TASP1: variants seen among roughly 807,000 people sequenced by gnomAD.
The protein encoded by TASP1 is taspase 1, also known as threonine aspartase 1.
A neutral mutation model predicts 56.6 loss-of-function variants in TASP1; 16 were observed. The observed-to-expected ratio is 0.28, with a 90% confidence interval of 0.19 to 0.43. The LOEUF (loss-of-function observed/expected upper bound fraction) is 0.43, where lower values mean the gene tolerates loss of function less well. TASP1 is among the 20% of genes least tolerant of loss of function. TASP1 has a pLI of 1.00. For missense variants in TASP1, 393 were observed against 511.6 expected (o/e 0.77, Z 2.24); for synonymous variants, 179 against 184.2 (o/e 0.97, Z 0.23).
the TASP1 span, among the ~76,000 whole-genome samples, chr20:13,108,143 A>G: frequency 6.6e-6 from 1 of 152,186 alleles, no homozygotes; most frequent in Non-Finnish European, 1.5e-5. Context: ...GGGGCCTCTC[A>G]GAGATGAGGT....
chr20:13,266,246 G>C, the TASP1 span, among the ~76,000 whole-genome samples: 4 of 152,304 alleles, frequency 2.6e-5, no homozygotes, highest in Admixed American at 2.6e-4. Context: ...TGCAATGTCT[G>C]CCACAGTACT....
chr20:13,325,164 G>C, the TASP1 span, among the ~76,000 whole-genome samples: 1 of 152,186 alleles, frequency 6.6e-6, no homozygotes, highest in Non-Finnish European at 1.5e-5. Context: ...CGACAAATGG[G>C]GTGAGGTGGG....
intron 6 of TASP1, among the ~76,000 whole-genome samples, chr20:13,570,711 A>G (rs1465445706): frequency 6.6e-6 from 1 of 152,152 alleles, no homozygotes; most frequent in African/African-American, 2.4e-5. Context: ...TTTAAAAAAA[A>G]AATTCTAAAG....
At chr20:13,146,801 G>A in the TASP1 span, among the ~76,000 whole-genome samples, 57 of 152,260 alleles carry the variant, frequency 3.7e-4, no homozygotes, top group African/African-American at 1.2e-3. Context: ...GTATAACTCC[G>A]TGAATGATGG....
At chr20:13,310,353 G>C in the TASP1 span, among the ~76,000 whole-genome samples, 1 of 152,172 alleles carries the variant, frequency 6.6e-6, no homozygotes, top group Non-Finnish European at 1.5e-5. Flanking sequence ...AAATGGTGCT[G>C]AGAAAACTGG....
the TASP1 span, among the ~76,000 whole-genome samples, chr20:13,173,964 A>G: frequency 6.6e-6 from 1 of 152,162 alleles, no homozygotes; most frequent in South Asian, 2.1e-4. Flanking sequence ...GTGACCTTTC[A>G]GAATTTTGTA....
At chr20:13,556,793 T>C (rs1392046907) in intron 8 of TASP1, among the ~76,000 whole-genome samples, 1 of 152,246 alleles carries the variant, frequency 6.6e-6, no homozygotes, top group South Asian at 2.1e-4. Flanking sequence ...TCAAATGTTA[T>C]CTCCTCATAG....
At chr20:13,359,439 A>G in the TASP1 span, among the ~76,000 whole-genome samples, 3 of 150,572 alleles carry the variant, frequency 2.0e-5, no homozygotes, top group Non-Finnish European at 4.4e-5. Context: ...GAAGACTGAC[A>G]CTGCCCGATG....
rs549437051 is a variant in TASP1 at position 13,625,424 on chromosome 20, C to G, written c.146-172G>C. 9.2e-5 allele frequency among the ~76,000 whole-genome samples: 14 copies of G among 152,268 alleles called. No individual in the cohort carries two copies. In the East Asian group the frequency reaches 2.5e-3, roughly 27 times the overall value. On this transcript the variant is annotated intron_variant, in intron 2 of 13. Transcript: ENST00000337743. The stretch of plus-strand genomic sequence containing the variant: ...CAGTGTAAGCCTTTTTAATACCATG[C>G]CTTATCTCCGTTTTCAAAAGCTCTT...
chr20:13,489,659 T>C (rs1273827045), intron 10 of TASP1, among the ~76,000 whole-genome samples: 1 of 152,190 alleles, frequency 6.6e-6, no homozygotes, highest in Non-Finnish European at 1.5e-5. Flanking sequence ...AGGCATCTGT[T>C]ACACGAGGTT....
the TASP1 span, among the ~76,000 whole-genome samples, chr20:13,312,502 C>G: frequency 1.3e-5 from 2 of 152,196 alleles, no homozygotes; most frequent in African/African-American, 4.8e-5. Flanking sequence ...CTGAGATAAA[C>G]AGAGCACTAG....
the TASP1 span, among the ~76,000 whole-genome samples, chr20:13,286,809 A>T: frequency 2.6e-5 from 4 of 152,236 alleles, no homozygotes; most frequent in African/African-American, 9.6e-5. Context: ...TGTGTGGACT[A>T]CATTCCTGCT....
At chr20:13,144,894 C>T in the TASP1 span, among the ~76,000 whole-genome samples, 4 of 152,286 alleles carry the variant, frequency 2.6e-5, no homozygotes, top group African/African-American at 9.6e-5. Context: ...CCTGCCTCAG[C>T]CTCCCAAGTA....
intron 10 of TASP1, among the ~76,000 whole-genome samples, chr20:13,485,420 C>T (rs1478341050): frequency 1.3e-5 from 2 of 152,080 alleles, no homozygotes; most frequent in East Asian, 3.9e-4. Context: ...AGTTGTTCAC[C>T]TATTCAGTAA....
chr20:13,460,292 A>T (rs1479524290), intron 11 of TASP1, among the ~76,000 whole-genome samples: 1 of 152,122 alleles, frequency 6.6e-6, no homozygotes, highest in African/African-American at 2.4e-5. Flanking sequence ...GGACTTCACA[A>T]ACTCCTGGAT....
chr20:13,317,913 C>G, the TASP1 span, among the ~76,000 whole-genome samples: 1 of 30,292 alleles, frequency 3.3e-5, no homozygotes, highest in Non-Finnish European at 5.9e-5. Flanking sequence ...ATACCAAAGG[C>G]ACTATCCGTG....
At chr20:13,436,414 G>A (rs376760432) in intron 11 of TASP1, among the ~76,000 whole-genome samples, 2 of 151,642 alleles carry the variant, frequency 1.3e-5, no homozygotes, top group African/African-American at 4.8e-5. Context: ...CGTGACACAG[G>A]CTGCAAGCCC....
the TASP1 span, among the ~76,000 whole-genome samples, chr20:13,372,058 A>T: frequency 6.6e-6 from 1 of 152,236 alleles, no homozygotes; most frequent in African/African-American, 2.4e-5. Flanking sequence ...TAACTTCTGT[A>T]GAGAGCATAT....
chr20:13,580,298 A>G (rs2047074205), intron 6 of TASP1, among the ~76,000 whole-genome samples: 1 of 151,976 alleles, frequency 6.6e-6, no homozygotes, highest in Non-Finnish European at 1.5e-5. Flanking sequence ...AATAAAAATA[A>G]TGTCCAGGAA....
Sources: allele counts gnomAD v4.1 joint callset (sites outside exome capture counted in the v4.1 genomes callset), GRCh38; gene constraint gnomAD v4.1.1; transcripts MANE v1.5; gene names NCBI Gene and HGNC (gene_info 2026-07-23, HGNC 2026-07-21).